Variants in MLST8 observed in about 807,000 individuals in gnomAD.
MLST8 encodes the protein target of rapamycin complex subunit LST8.
Under a neutral mutation model 41.3 loss-of-function variants are expected in MLST8, and 20 were observed. That is an observed-to-expected ratio of 0.48 (90% CI 0.34 to 0.70). MLST8 has a LOEUF of 0.70. Ranked by LOEUF, MLST8 falls within the 30% of genes least tolerant of loss-of-function variation. MLST8 has a pLI of 0.01. For missense variants in MLST8, 422 were observed against 454.3 expected (o/e 0.93, Z 0.65); for synonymous variants, 243 against 183.0 (o/e 1.33, Z -2.65).
chr16:2,208,103 G>C, intron 6 of MLST8, 107 bp from the exon 7 acceptor site: 2 of 1,368,816 alleles, frequency 1.5e-6, no homozygotes, highest in Non-Finnish European at 2.0e-6. Flanking sequence ...CCCCTCACCC[G>C]GGGTCCCCAT....
At chr16:2,207,386 A>G in intron 6 of MLST8, 41 bp downstream of exon 6, 1 of 1,602,784 alleles carries the variant, frequency 6.2e-7, no homozygotes, top group Non-Finnish European at 8.5e-7. Context: ...GCAGCTTGGC[A>G]CTCAGCCCTC....
In MLST8 at chr16:2,209,351, A is replaced by G. The variant is rs758292937; in HGVS notation, c.*474A>G. 28 of 1,606,862 alleles carry G rather than the reference A, an allele frequency of 1.7e-5. No homozygotes were observed. Among genetic ancestry groups the G allele is most frequent in the Admixed American group, 6.7e-5 (4 of 59,840 alleles). On this transcript the variant is annotated 3_prime_UTR_variant, in exon 9 of 9. Coordinates refer to ENST00000569417, the MANE Select transcript of MLST8 (RefSeq NM_022372.6). The stretch of plus-strand genomic sequence containing the variant: ...GATTGGGGACGGGCCAGGCTGGGCC[A>G]GGTCGGGGGCTCAGTCTGGGAGGTA...
At position 2,209,196 on chromosome 16, in the gene MLST8, C is replaced by G. The variant is rs894815657; in HGVS notation, c.*319C>G. On this transcript the variant is annotated 3_prime_UTR_variant, in exon 9 of 9. Coordinates refer to ENST00000569417, the MANE Select transcript of MLST8 (RefSeq NM_022372.6). Reference sequence around the variant, plus strand: ...GCCCACCCCCAAGCTAGTGTGTTCTCTGCCCCTCCCTGCCCGCGTTTCAGG... The same window carrying G: ...GCCCACCCCCAAGCTAGTGTGTTCTGTGCCCCTCCCTGCCCGCGTTTCAGG... The G allele has an allele frequency of 4.2e-6, 3 of 706,700 alleles. No individual in the cohort carries two copies. In the Admixed American group the frequency reaches 8.4e-5, roughly 20 times the overall value. 43.8% of individuals were successfully genotyped at this position (706,700 alleles called of 1,614,324 possible). A position where few individuals can be genotyped will look rare whatever the true frequency, so the allele number is the denominator to read the frequency against.
Position 2,208,991 on chromosome 16 carries a change from C to T in MLST8, c.*114C>T. 8.5e-7 allele frequency: 1 copy of T among 1,178,836 alleles called. No individual in the cohort carries two copies. Among genetic ancestry groups the T allele is most frequent in the Non-Finnish European group, 1.2e-6 (1 of 813,718 alleles). The allele number at this position is 1,178,836 out of a possible 1,614,324, so 73.0% of individuals were successfully genotyped here. On this transcript the variant is annotated 3_prime_UTR_variant, in exon 9 of 9. Transcript: ENST00000569417. ...GGCCTGCGCCAGCTGGACCTGATGG[C>T]CCCCTGTGGCGCCTTGACCTGCTGG...
In MLST8 at chr16:2,206,075, C is replaced by G. The variant is rs762224777; in HGVS notation, c.-11C>G. The G allele has an allele frequency of 6.3e-7, 1 of 1,587,770 alleles. No individual in the cohort carries two copies. The highest frequency in any genetic ancestry group is 8.6e-7 in the Non-Finnish European group (1 of 1,163,720). ...CTGCCGTTCAGCTCTAGGGCCCGTG[C>G]AGGCCACACCATGAACACCTCCCCA... On this transcript the variant is annotated 5_prime_UTR_variant, in exon 2 of 9. Transcript: ENST00000569417.
chr16:2,207,498 C>T, intron 6 of MLST8, 153 bp downstream of exon 6: 1 of 907,476 alleles, frequency 1.1e-6, no homozygotes, highest in South Asian at 1.6e-5. Flanking sequence ...AGCCAGAAGC[C>T]TTAGTGTCGC....
chr16:2,208,704 G>GC, intron 8 of MLST8, 55 bp from the exon 9 acceptor site: 2 of 1,613,228 alleles, frequency 1.2e-6, no homozygotes, highest in South Asian at 2.2e-5. Flanking sequence ...CTCTGCTGGG[G>GC]CCGCCTGCTT....
rs1596726633 is a variant in MLST8 at position 2,208,403 on chromosome 16, C to T, written c.699-47C>T. 3 of 1,608,350 alleles carry T rather than the reference C, an allele frequency of 1.9e-6. No homozygotes were observed. In the African/African-American group the frequency reaches 4.0e-5, roughly 22 times the overall value. ...TGGGGGCTGGAGAGGGGAGGGGCTG[C>T]TGGATGGAGTGGCTGCTGCTGGACA... is the stretch of plus-strand genomic sequence containing the variant. On this transcript the variant is annotated intron_variant, in intron 7 of 8. Coordinates refer to ENST00000569417, the MANE Select transcript of MLST8 (RefSeq NM_022372.6).
At chr16:2,207,435 C>T (rs1284924337) in intron 6 of MLST8, 90 bp downstream of exon 6, 26 of 1,488,188 alleles carry the variant, frequency 1.7e-5, no homozygotes, top group Admixed American at 7.4e-5. Context: ...TGTCCCTTAG[C>T]GGCCCCCTCC....
intron 1 of MLST8, 29 bp from the exon 2 acceptor site, chr16:2,205,999 GTCT>G: frequency 2.0e-6 from 3 of 1,506,138 alleles, no homozygotes; most frequent in Non-Finnish European, 2.7e-6. Context: ...CACAGAGAGT[GTCT>G]TCTAAGTACT....
In MLST8 at chr16:2,206,067, G is replaced by C. The variant is rs1249819997; in HGVS notation, c.-19G>C. On this transcript the variant is annotated 5_prime_UTR_variant, in exon 2 of 9. Coordinates refer to ENST00000569417, the MANE Select transcript of MLST8 (RefSeq NM_022372.6). The stretch of plus-strand genomic sequence containing the variant: ...TTTGACCCCTGCCGTTCAGCTCTAG[G>C]GCCCGTGCAGGCCACACCATGAACA... The C allele has an allele frequency of 6.4e-7, 1 of 1,574,608 alleles. No individual in the cohort carries two copies. Among genetic ancestry groups the C allele is most frequent in the African/African-American group, 1.4e-5 (1 of 73,804 alleles).
At position 2,207,234 on chromosome 16, in the gene MLST8, C is replaced by T. The variant is rs1424976868; in HGVS notation, c.462C>T (p.Ile154=). ...IVGDQSGAIH[I]WDLKTDHNEQ... ...GTGACCAGAGCGGGGCTATCCACAT[C>T]TGGGACTTGAAAACAGACCACAACG... is the stretch of plus-strand genomic sequence containing the variant. The change falls in exon 6 of 9, where the codon ATC becomes ATT. Residue 154 remains isoleucine (I), a synonymous_variant. Coordinates refer to ENST00000569417, the MANE Select transcript of MLST8 (RefSeq NM_022372.6). 6.2e-7 allele frequency: 1 copy of T among 1,614,220 alleles called. No homozygotes were observed. The highest frequency in any genetic ancestry group is 1.1e-5 in the South Asian group (1 of 91,090).
chr16:2,205,545 G>A (rs1042070256), intron 1 of MLST8, 33 bp downstream of exon 1: 17 of 412,576 alleles, frequency 4.1e-5, no homozygotes, highest in Admixed American at 6.4e-5. Flanking sequence ...GCCGGGAACC[G>A]GCTGCTGGGT....
In MLST8 at chr16:2,208,606, C is replaced by T. The variant is rs200094349; in HGVS notation, c.855C>T (p.Ile285=). ...GCAFSGDSQY[I]VTASSDNLAR... ...CCTTCTCGGGGGACTCCCAGTACAT[C>T]GTCACTGGTGAGCCCCGCCCTGGCC... The change falls in exon 8 of 9, where the codon ATC becomes ATT. Residue 285 remains isoleucine (I), a synonymous_variant. Coordinates refer to ENST00000569417, the MANE Select transcript of MLST8 (RefSeq NM_022372.6). 2.7e-4 allele frequency: 437 copies of T among 1,612,368 alleles called. No individual in the cohort carries two copies. Among genetic ancestry groups the T allele is most frequent in the Non-Finnish European group, 3.3e-4 (388 of 1,179,596 alleles).
chr16:2,207,304 A>G lies in MLST8; in HGVS notation c.532A>G (p.Ile178Val). 3 of 1,614,130 alleles carry G rather than the reference A, an allele frequency of 1.9e-6. No individual in the cohort carries two copies. The highest frequency in any genetic ancestry group is 1.3e-5 in the African/African-American group (1 of 75,044). Residue 178 changes from isoleucine (I) to valine (V), a missense_variant, in exon 6 of 9, where the codon ATC (isoleucine) becomes GTC (valine). Coordinates refer to ENST00000569417, the MANE Select transcript of MLST8 (RefSeq NM_022372.6). The stretch of plus-strand genomic sequence containing the variant: ...CGAGGTCTCCATCACGTCCGCCCAC[A>G]TCGATCCCGACGCCAGCTACATGGC... Reference protein sequence around the residue: ...EPEVSITSAHIDPDASYMAAV... With the variant: ...EPEVSITSAHVDPDASYMAAV...
chr16:2,207,079 C>T lies in MLST8; in HGVS notation c.389C>T (p.Pro130Leu). 6.2e-7 allele frequency: 1 copy of T among 1,613,782 alleles called. No individual in the cohort carries two copies. The change falls in exon 5 of 9, where the codon CCC becomes CTC. Residue 130 changes from proline (P) to leucine (L), a missense_variant. Physicochemically the swap from Pro to Leu is moderately conservative, Grantham distance 98. Transcript: ENST00000569417. ...QCQRIFQVNA[P>L]INCVCLHPNQ... ...CAGCGGATCTTCCAGGTGAACGCAC[C>T]CATTAACTGCGTGTGCCTGCACCCC... is the stretch of plus-strand genomic sequence containing the variant.
chr16:2,205,686 G>T, intron 1 of MLST8, 174 bp downstream of exon 1: 2 of 991,944 alleles, frequency 2.0e-6, no homozygotes, highest in Non-Finnish European at 2.4e-6. Flanking sequence ...GGCCTGCTAC[G>T]CATGCGCAGC....
At chr16:2,208,704 G>A (rs1218604362) in intron 8 of MLST8, 55 bp from the exon 9 acceptor site, 2 of 1,613,110 alleles carry the variant, frequency 1.2e-6, no homozygotes, top group East Asian at 2.2e-5. Context: ...CTCTGCTGGG[G>A]CCGCCTGCTT....
chr16:2,209,155 G>A lies in MLST8; in HGVS notation c.*278G>A. 3.1e-6 allele frequency: 2 copies of A among 645,044 alleles called. No individual in the cohort carries two copies. The highest frequency in any genetic ancestry group is 3.9e-5 in the South Asian group (2 of 51,822). The allele number at this position is 645,044 out of a possible 1,614,324, so 40.0% of individuals were successfully genotyped here. On this transcript the variant is annotated 3_prime_UTR_variant, in exon 9 of 9. Transcript: ENST00000569417. ...TCGGCCGAGGGCCCAAAGCTGCTGA[G>A]GGGTCTGAGGCTGGTGCCCACCCCC...
Sources: allele counts gnomAD v4.1 joint callset, GRCh38; gene constraint gnomAD v4.1.1; transcripts MANE v1.5; gene names NCBI Gene and HGNC (gene_info 2026-07-23, HGNC 2026-07-21).